The following EPHA6 variants were observed in gnomAD, a reference collection of about 807,000 sequenced individuals.
EPHA6 encodes the protein ephrin type-A receptor 6.
A neutral mutation model predicts 112.0 loss-of-function variants in EPHA6; 50 were observed. That is an observed-to-expected ratio of 0.45 (90% CI 0.36 to 0.56). The LOEUF is 0.56. EPHA6 is among the 20% of genes least tolerant of loss of function. EPHA6 has a pLI of 0.00. For missense variants in EPHA6, 1,280 were observed against 1,417.4 expected (o/e 0.90, Z 1.56); for synonymous variants, 529 against 490.7 (o/e 1.08, Z -1.03).
intron 2 of EPHA6, among the ~76,000 whole-genome samples, chr3:96,946,446 T>C (rs1187282827): frequency 6.6e-6 from 1 of 152,134 alleles, no homozygotes; most frequent in African/African-American, 2.4e-5. Flanking sequence ...GTTCTTGTGA[T>C]AGTTTGCTGA....
chr3:97,571,332 T>C (rs560070237), intron 11 of EPHA6, among the ~76,000 whole-genome samples: 5 of 150,480 alleles, frequency 3.3e-5, no homozygotes, highest in Non-Finnish European at 7.4e-5. Flanking sequence ...AAAAAGACTA[T>C]AGGGGTTGAC....
chr3:97,352,315 G>C (rs2083854689), intron 5 of EPHA6, among the ~76,000 whole-genome samples: 1 of 152,086 alleles, frequency 6.6e-6, no homozygotes, highest in Admixed American at 6.6e-5. Flanking sequence ...GTACAAGAAA[G>C]CACCTTCATA....
chr3:97,284,643 A>G (rs1361772090), intron 5 of EPHA6, among the ~76,000 whole-genome samples: 1 of 152,158 alleles, frequency 6.6e-6, no homozygotes, highest in East Asian at 1.9e-4. Flanking sequence ...CCAGTTCAGC[A>G]CTATGGAGTA....
At chr3:97,719,870 T>C (rs1324199382) in intron 14 of EPHA6, among the ~76,000 whole-genome samples, 2 of 152,190 alleles carry the variant, frequency 1.3e-5, no homozygotes, top group Admixed American at 6.5e-5. Context: ...AGTTAGAGAT[T>C]ATTCTCATTA....
At chr3:97,173,054 T>A (rs1462103142) in intron 3 of EPHA6, among the ~76,000 whole-genome samples, 1 of 151,940 alleles carries the variant, frequency 6.6e-6, no homozygotes, top group Non-Finnish European at 1.5e-5. Context: ...GTCATTTTTT[T>A]ATTACCTCCC....
At position 97,539,103 on chromosome 3, in the gene EPHA6, C is replaced by CCTTCCTTCCTTT. The variant is rs1227480052; in HGVS notation, c.2386+6563_2386+6564insCCTTCCTTTCTT. Among the ~76,000 whole-genome samples the CCTTCCTTCCTTT allele has an allele frequency of 4.4e-3, 370 of 83,828 alleles. 2 individuals are homozygous for CCTTCCTTCCTTT. The highest frequency in any genetic ancestry group is 0.019 in the African/African-American group (346 of 18,104). The allele number at this position is 83,828 out of a possible 152,430, so 55.0% of individuals were successfully genotyped here. A position where few individuals can be genotyped will look rare whatever the true frequency, so the allele number is the denominator to read the frequency against. On this transcript the variant is annotated intron_variant, in intron 11 of 17. Transcript: ENST00000389672. ...TCCTTCCTTCCTTCCTTCCTTCCTT[C>CCTTCCTTCCTTT]CTTTCTTTCTTTCTTTCTTTCTTTT... is the stretch of plus-strand genomic sequence containing the variant.
intron 3 of EPHA6, among the ~76,000 whole-genome samples, chr3:97,151,897 A>G (rs915782211): frequency 1.3e-5 from 2 of 152,138 alleles, no homozygotes; most frequent in South Asian, 4.1e-4. Flanking sequence ...GTAATTATAT[A>G]GTACTTTTAT....
At chr3:97,505,107 G>C (rs946365712) in intron 10 of EPHA6, among the ~76,000 whole-genome samples, 1 of 152,116 alleles carries the variant, frequency 6.6e-6, no homozygotes, top group African/African-American at 2.4e-5. Flanking sequence ...CCACCAAGTA[G>C]AGTGGCAAGG....
intron 3 of EPHA6, among the ~76,000 whole-genome samples, chr3:97,005,289 C>G (rs1451243683): frequency 6.6e-6 from 1 of 152,050 alleles, no homozygotes; most frequent in Non-Finnish European, 1.5e-5. Context: ...TCTCTTATTT[C>G]CTTGAGCAGT....
intron 5 of EPHA6, among the ~76,000 whole-genome samples, chr3:97,390,370 A>T (rs759343074): frequency 4.6e-5 from 7 of 152,076 alleles, no homozygotes; most frequent in Admixed American, 2.0e-4. Flanking sequence ...AGCCAGCAGT[A>T]TGAGCACGTT....
At chr3:97,623,018 T>C (rs551794230) in intron 13 of EPHA6, among the ~76,000 whole-genome samples, 3 of 151,926 alleles carry the variant, frequency 2.0e-5, no homozygotes, top group East Asian at 1.9e-4. Flanking sequence ...TTAGGAGATA[T>C]ATGATTTACA....
chr3:97,758,179 T>C lies in EPHA6; in HGVS notation c.*9478T>C, dbSNP rs1238467016. Among the ~76,000 whole-genome samples, 2 of 152,004 alleles carry C rather than the reference T, an allele frequency of 1.3e-5. No homozygotes were observed. The highest frequency in any genetic ancestry group is 2.9e-5 in the Non-Finnish European group (2 of 67,866). On this transcript the variant is annotated 3_prime_UTR_variant, in exon 18 of 18. Coordinates refer to ENST00000389672, the MANE Select transcript of EPHA6 (RefSeq NM_001080448.3). ...GAAAAGCTACTCCATTTACGTGTAATCTGCTTATTTTCTTCAGAGTTTCCA... is the reference window on the plus strand; with the variant it reads ...GAAAAGCTACTCCATTTACGTGTAACCTGCTTATTTTCTTCAGAGTTTCCA...
At chr3:97,486,391 T>C (rs532920020) in intron 10 of EPHA6, among the ~76,000 whole-genome samples, 1 of 152,374 alleles carries the variant, frequency 6.6e-6, no homozygotes, top group African/African-American at 2.4e-5. Context: ...TCTGTTAATT[T>C]ATTCCTTTAG....
intron 3 of EPHA6, among the ~76,000 whole-genome samples, chr3:97,085,113 T>C (rs540825228): frequency 1.3e-5 from 2 of 152,242 alleles, no homozygotes; most frequent in East Asian, 3.9e-4. Context: ...CAAATAACAA[T>C]TTATAACCGG....
In EPHA6 at chr3:97,649,329, C is replaced by G. The variant is rs2019448; in HGVS notation, c.2784+11247C>G. ...ACGACAACAGTATGGGGGAAACCAC[C>G]CCATGATTCAATTATCTCCACCTGG... On this transcript the variant is annotated intron_variant, in intron 14 of 17. Coordinates refer to ENST00000389672, the MANE Select transcript of EPHA6 (RefSeq NM_001080448.3). Among the ~76,000 whole-genome samples, 404 of 152,088 alleles carry G rather than the reference C, an allele frequency of 2.7e-3. 18 individuals are homozygous for G. In the East Asian group the frequency reaches 0.066, roughly 25 times the overall value.
At chr3:97,188,310 A>G (rs1055188179) in intron 3 of EPHA6, among the ~76,000 whole-genome samples, 1 of 152,138 alleles carries the variant, frequency 6.6e-6, no homozygotes, top group Non-Finnish European at 1.5e-5. Context: ...ATCAGCATGG[A>G]TAACTCAAGA....
chr3:97,528,729 T>C (rs1272734313), intron 10 of EPHA6, among the ~76,000 whole-genome samples: 1 of 152,136 alleles, frequency 6.6e-6, no homozygotes, highest in African/African-American at 2.4e-5. Flanking sequence ...CTCACAGATT[T>C]AGTTCAATTA....
intron 14 of EPHA6, among the ~76,000 whole-genome samples, chr3:97,705,904 A>G (rs2033652926): frequency 6.6e-6 from 1 of 152,142 alleles, no homozygotes; most frequent in Middle Eastern, 3.2e-3. Flanking sequence ...AGATTCTGTC[A>G]TGTTATGCCA....
intron 7 of EPHA6, among the ~76,000 whole-genome samples, chr3:97,455,827 C>A (rs975543081): frequency 6.6e-6 from 1 of 151,068 alleles, no homozygotes; most frequent in African/African-American, 2.4e-5. Flanking sequence ...AAGTAGAAGT[C>A]GCCCTTCAAG....
Sources: gnomAD v4.1 joint callset for allele counts (sites outside exome capture counted in the v4.1 genomes callset) on GRCh38, gnomAD v4.1.1 for gene constraint, MANE v1.5 for transcripts, NCBI Gene and HGNC (gene_info 2026-07-23, HGNC 2026-07-21) for gene names.